The following NREP variants were observed in gnomAD, a reference collection of about 807,000 sequenced individuals.
NREP encodes the protein neuronal regeneration-related protein.
In NREP, 5 loss-of-function variants were observed where a neutral mutation model predicts 8.6. That is an observed-to-expected ratio of 0.58 (90% CI 0.30 to 1.22). NREP has a LOEUF of 1.22. NREP is among the 50% of genes most tolerant of loss of function. The probability of loss-of-function intolerance (pLI) is 0.07; values close to 1 mark genes in which losing one functional copy is unlikely to be tolerated. For synonymous variants in NREP, 27 were observed against 28.0 expected, an observed-to-expected ratio of 0.96 and a Z score of 0.11; for missense variants, 86 against 82.5, an observed-to-expected ratio of 1.04 and a Z score of -0.17.
chr5:111,802,694 G>A (rs149288469), intron 2 of NREP, among the ~76,000 whole-genome samples: 20 of 152,154 alleles, frequency 1.3e-4, no homozygotes, highest in Non-Finnish European at 2.9e-5. Context: ...CATGTTAAGG[G>A]TTAAAGATTA....
At chr5:111,879,376 A>T (rs1206628839) in intron 2 of NREP, among the ~76,000 whole-genome samples, 1 of 152,258 alleles carries the variant, frequency 6.6e-6, no homozygotes, top group African/African-American at 2.4e-5. Context: ...CCCTTCCCTC[A>T]TGAAGCTTGC....
intron 2 of NREP, among the ~76,000 whole-genome samples, chr5:111,777,574 G>C (rs1751394645): frequency 6.6e-6 from 1 of 152,088 alleles, no homozygotes; most frequent in South Asian, 2.1e-4. Flanking sequence ...ATACGACAAT[G>C]CTTCAGTGTA....
At chr5:111,903,129 G>GTAACACT (rs1754689415) in intron 2 of NREP, among the ~76,000 whole-genome samples, 1 of 145,628 alleles carries the variant, frequency 6.9e-6, no homozygotes, top group African/African-American at 2.6e-5. Context: ...TGTAACCCAG[G>GTAACACT]CTGGTGTTCA....
chr5:111,960,838 C>G (rs1561369819), intron 2 of NREP, among the ~76,000 whole-genome samples: 3 of 152,022 alleles, frequency 2.0e-5, no homozygotes, highest in Admixed American at 1.3e-4. Flanking sequence ...AAATGTTAAG[C>G]AGTTAGGTAT....
chr5:111,816,033 G>A (rs779040703), intron 2 of NREP, among the ~76,000 whole-genome samples: 29 of 152,130 alleles, frequency 1.9e-4, no homozygotes, highest in African/African-American at 3.6e-4. Flanking sequence ...TTCTCAACAA[G>A]ATTAATGAAA....
At chr5:111,971,166 A>G (rs1327065679) in intron 2 of NREP, among the ~76,000 whole-genome samples, 2 of 152,210 alleles carry the variant, frequency 1.3e-5, no homozygotes, top group Non-Finnish European at 1.5e-5. Flanking sequence ...GGAGAGATGT[A>G]CACTGTAGTA....
intron 2 of NREP, among the ~76,000 whole-genome samples, chr5:111,884,333 T>C (rs1239286716): frequency 6.6e-6 from 1 of 151,780 alleles, no homozygotes; most frequent in Non-Finnish European, 1.5e-5. Context: ...CAATAATCAA[T>C]AGTTTACCAA....
chr5:111,774,279 A>G (rs1001736730), intron 2 of NREP, among the ~76,000 whole-genome samples: 7 of 151,912 alleles, frequency 4.6e-5, no homozygotes, highest in East Asian at 3.9e-4. Context: ...GAGGGAGAGA[A>G]GAAGGGAGAG....
intron 3 of NREP, among the ~76,000 whole-genome samples, chr5:111,731,544 T>C (rs563544412): frequency 6.6e-6 from 1 of 152,262 alleles, no homozygotes; most frequent in South Asian, 2.1e-4. Flanking sequence ...ATCTTATCTA[T>C]GTATGGCTTA....
At position 111,735,534 on chromosome 5, in the gene NREP, T is replaced by G. The variant is rs750406355; in HGVS notation, c.4-27A>C. ...TATAGAGACACAAAAGCATACACAT[T>G]CAGATTAAAAACAGGATCCACTCTG... On this transcript the variant is annotated intron_variant, in intron 2 of 3. Coordinates refer to ENST00000257435, the MANE Select transcript of NREP (RefSeq NM_004772.4). 16 of 1,548,886 alleles carry G rather than the reference T, an allele frequency of 1.0e-5. No individual in the cohort carries two copies. In the South Asian group the frequency reaches 1.8e-4, roughly 17 times the overall value.
chr5:111,938,167 A>C (rs1755733836), intron 2 of NREP, among the ~76,000 whole-genome samples: 1 of 151,822 alleles, frequency 6.6e-6, no homozygotes, highest in South Asian at 2.1e-4. Flanking sequence ...GGCCATGCTC[A>C]CCCAGGGCAC....
chr5:111,750,538 G>C (rs1750295857), intron 2 of NREP, among the ~76,000 whole-genome samples: 1 of 152,150 alleles, frequency 6.6e-6, no homozygotes, highest in South Asian at 2.1e-4. Context: ...CCATATTCTT[G>C]CTATTTCTGG....
intron 2 of NREP, among the ~76,000 whole-genome samples, chr5:111,884,083 C>G (rs1034041204): frequency 2.6e-5 from 4 of 151,728 alleles, no homozygotes; most frequent in African/African-American, 9.7e-5. Flanking sequence ...CTAGGAAGAC[C>G]AATAAAGAAG....
rs1287156310 is a variant in NREP, at chr5:111,730,199, A to G, written c.*722T>C. 3 of 152,600 alleles carry G rather than the reference A, an allele frequency of 2.0e-5. No individual in the cohort carries two copies. The highest frequency in any genetic ancestry group is 2.9e-5 in the Non-Finnish European group (2 of 68,056). 9.5% of individuals were successfully genotyped at this position (152,600 alleles called of 1,614,324 possible). A position where few individuals can be genotyped will look rare whatever the true frequency, so the allele number is the denominator to read the frequency against. ...TGGTAGCATTCGCTCAACCTACAAC[A>G]CTGAGGAAGAAAGCCACACTGAAGA... On this transcript the variant is annotated 3_prime_UTR_variant, in exon 4 of 4. Transcript: ENST00000257435.
chr5:111,916,721 C>G (rs899633362), intron 2 of NREP, among the ~76,000 whole-genome samples: 2 of 152,118 alleles, frequency 1.3e-5, no homozygotes, highest in Admixed American at 1.3e-4. Context: ...GTAGTACCTA[C>G]TTCACAGGGT....
At chr5:111,850,417 G>T (rs1017914199) in intron 2 of NREP, among the ~76,000 whole-genome samples, 2 of 152,054 alleles carry the variant, frequency 1.3e-5, no homozygotes, top group African/African-American at 4.8e-5. Context: ...TTCCATTTAT[G>T]TCTCTAACTA....
rs188618613 is a variant in NREP at position 111,780,071 on chromosome 5, C to A, written c.136-44564G>T. On this transcript the variant is annotated intron_variant, in intron 2 of 3. Transcript: ENST00000395634. The stretch of plus-strand genomic sequence containing the variant: ...AGAGGGGGAAATTGTCATTTTAAAC[C>A]ACAACTGAACAGAGCAACTTCTGCC... 6.0e-4 allele frequency among the ~76,000 whole-genome samples: 92 copies of A among 152,260 alleles called. 1 individual carries two copies. The highest frequency in any genetic ancestry group is 2.1e-3 in the African/African-American group (86 of 41,562).
chr5:111,821,415 T>A (rs1012465949), intron 2 of NREP, among the ~76,000 whole-genome samples: 3 of 152,122 alleles, frequency 2.0e-5, no homozygotes, highest in Non-Finnish European at 1.5e-5. Flanking sequence ...AAATCAAGCA[T>A]GTGTACATGA....
chr5:111,884,266 T>C (rs1581189993), intron 2 of NREP, among the ~76,000 whole-genome samples: 1 of 151,418 alleles, frequency 6.6e-6, no homozygotes, highest in Non-Finnish European at 1.5e-5. Flanking sequence ...CTCCCAAGAC[T>C]AAACCAGGAA....
Sources: allele counts gnomAD v4.1 joint callset (sites outside exome capture counted in the v4.1 genomes callset), GRCh38; gene constraint gnomAD v4.1.1; transcripts MANE v1.5; gene names NCBI Gene and HGNC (gene_info 2026-07-23, HGNC 2026-07-21).